The following MAGI2 variants were observed in gnomAD, a reference collection of about 807,000 sequenced individuals.
MAGI2 encodes membrane-associated guanylate kinase, WW and PDZ domain-containing protein 2.
A neutral mutation model predicts 133.3 loss-of-function variants in MAGI2; 35 were observed. That is an observed-to-expected ratio of 0.26 (90% CI 0.20 to 0.35). The LOEUF (loss-of-function observed/expected upper bound fraction) is 0.35, where lower values mean the gene tolerates loss of function less well. Among genes scored for constraint, MAGI2 ranks in the 10% least tolerant of loss-of-function variants. The probability of loss-of-function intolerance (pLI) is 1.00; values close to 1 mark genes in which losing one functional copy is unlikely to be tolerated. For missense variants in MAGI2, 1,636 were observed against 1,863.4 expected (o/e 0.88, Z 2.25); for synonymous variants, 729 against 710.6 (o/e 1.03, Z -0.41).
chr7:78,880,388 C>T (rs952860324), intron 2 of MAGI2, among the ~76,000 whole-genome samples: 4 of 152,110 alleles, frequency 2.6e-5, no homozygotes, highest in African/African-American at 7.2e-5. Context: ...TCAGCAGAAA[C>T]CTGATGAGCC....
chr7:78,439,909 G>C (rs928314835), intron 6 of MAGI2, among the ~76,000 whole-genome samples: 3 of 152,106 alleles, frequency 2.0e-5, no homozygotes, highest in African/African-American at 7.2e-5. Flanking sequence ...CCAGCCACAT[G>C]TGCCTAGTGA....
intron 6 of MAGI2, among the ~76,000 whole-genome samples, chr7:78,480,131 C>G (rs1326908283): frequency 6.6e-6 from 1 of 151,706 alleles, no homozygotes; most frequent in Non-Finnish European, 1.5e-5. Context: ...ACTACCAAAA[C>G]TAACAAGATG....
intron 1 of MAGI2, among the ~76,000 whole-genome samples, chr7:79,376,197 T>C (rs146560998): frequency 1.3e-5 from 2 of 152,024 alleles, no homozygotes; most frequent in East Asian, 3.9e-4. Context: ...CAGAATCCTA[T>C]ATATACCATG....
chr7:79,109,191 G>C (rs1488628699), intron 1 of MAGI2, among the ~76,000 whole-genome samples: 2 of 152,198 alleles, frequency 1.3e-5, no homozygotes, highest in Admixed American at 1.3e-4. Context: ...TTGGAACTGA[G>C]TGGCAGGCAG....
chr7:78,316,846 C>T (rs1459091981), intron 9 of MAGI2, among the ~76,000 whole-genome samples: 1 of 152,160 alleles, frequency 6.6e-6, no homozygotes, highest in Non-Finnish European at 1.5e-5. Flanking sequence ...GATTCTGGCC[C>T]ATGAGCTGAT....
chr7:79,046,868 A>G (rs1812224770), intron 1 of MAGI2, among the ~76,000 whole-genome samples: 1 of 152,344 alleles, frequency 6.6e-6, no homozygotes, highest in East Asian at 1.9e-4. Context: ...TGCCTCACTA[A>G]AATGTCATTT....
chr7:79,450,484 GT>G (rs1849165968), intron 1 of MAGI2, among the ~76,000 whole-genome samples: 1 of 152,080 alleles, frequency 6.6e-6, no homozygotes, highest in Non-Finnish European at 1.5e-5. Context: ...ATTTTGTTTT[GT>G]TTTGTTTTTG....
intron 1 of MAGI2, among the ~76,000 whole-genome samples, chr7:79,081,290 C>G (rs372731123): frequency 5.3e-5 from 8 of 152,168 alleles, no homozygotes; most frequent in African/African-American, 1.9e-4. Flanking sequence ...CCATGGCACG[C>G]AAGAATTCAA....
intron 6 of MAGI2, among the ~76,000 whole-genome samples, chr7:78,458,769 G>T (rs998897833): frequency 5.3e-5 from 8 of 151,846 alleles, no homozygotes; most frequent in African/African-American, 1.2e-4. Flanking sequence ...CGAGTAGGTG[G>T]GACTACAGGC....
intron 6 of MAGI2, among the ~76,000 whole-genome samples, chr7:78,422,596 A>G (rs901210788): frequency 6.6e-6 from 1 of 151,370 alleles, no homozygotes; most frequent in African/African-American, 2.4e-5. Flanking sequence ...AAAAAAAAAA[A>G]TCTACTCCTG....
At chr7:78,690,197 T>C (rs1816808090) in intron 2 of MAGI2, among the ~76,000 whole-genome samples, 2 of 152,208 alleles carry the variant, frequency 1.3e-5, no homozygotes, top group East Asian at 3.8e-4. Context: ...TATACAATTT[T>C]AATATACATT....
At chr7:79,436,453 T>A (rs1217233015) in intron 1 of MAGI2, among the ~76,000 whole-genome samples, 1 of 152,118 alleles carries the variant, frequency 6.6e-6, no homozygotes, top group African/African-American at 2.4e-5. Flanking sequence ...AAACTATGTA[T>A]CTGACAAAGG....
intron 2 of MAGI2, among the ~76,000 whole-genome samples, chr7:78,857,766 AT>A (rs1483484369): frequency 6.6e-6 from 1 of 152,226 alleles, no homozygotes; most frequent in East Asian, 1.9e-4. Flanking sequence ...TGTTGGCCTC[AT>A]AAAATGAGTT....
At chr7:78,341,597 G>A (rs1256344479) in intron 9 of MAGI2, among the ~76,000 whole-genome samples, 1 of 152,042 alleles carries the variant, frequency 6.6e-6, no homozygotes, top group Non-Finnish European at 1.5e-5. Flanking sequence ...CATCGTACTG[G>A]TACCAAAACA....
At chr7:79,000,564 G>C (rs944474341) in intron 2 of MAGI2, among the ~76,000 whole-genome samples, 2 of 152,156 alleles carry the variant, frequency 1.3e-5, no homozygotes, top group Non-Finnish European at 2.9e-5. Context: ...TAGTCTTCTA[G>C]GGATTATATA....
intron 1 of MAGI2, among the ~76,000 whole-genome samples, chr7:79,298,090 G>A (rs1837085179): frequency 1.3e-5 from 2 of 152,052 alleles, no homozygotes; most frequent in Admixed American, 1.3e-4. Flanking sequence ...GTTATGGTTT[G>A]TTTTTTATAT....
At chr7:78,613,991 T>A (rs1806774230) in intron 3 of MAGI2, among the ~76,000 whole-genome samples, 1 of 151,902 alleles carries the variant, frequency 6.6e-6, no homozygotes, top group South Asian at 2.1e-4. Flanking sequence ...ATGCCTGTAA[T>A]CCCGGCTACA....
At chr7:79,380,377 G>C (rs1843692271) in intron 1 of MAGI2, among the ~76,000 whole-genome samples, 1 of 151,630 alleles carries the variant, frequency 6.6e-6, no homozygotes, top group African/African-American at 2.4e-5. Context: ...TAACAACAAT[G>C]CTGCATATTT....
At chr7:78,955,641 TTC>T (rs145516739) in intron 2 of MAGI2, among the ~76,000 whole-genome samples, 2 of 146,706 alleles carry the variant, frequency 1.4e-5, no homozygotes, top group African/African-American at 2.5e-5. Flanking sequence ...CTCCCTCCTT[TTC>T]TCTCTCTCTC....
Sources: allele counts gnomAD v4.1 joint callset (sites outside exome capture counted in the v4.1 genomes callset), GRCh38; gene constraint gnomAD v4.1.1; transcripts MANE v1.5; gene names NCBI Gene and HGNC (gene_info 2026-07-23, HGNC 2026-07-21).